PPP4R2: variants seen among roughly 807,000 people sequenced by gnomAD.
PPP4R2 encodes the protein protein phosphatase 4 regulatory subunit 2, also known as serine/threonine-protein phosphatase 4 regulatory subunit 2.
A neutral mutation model predicts 47.2 loss-of-function variants in PPP4R2; 13 were observed. The ratio of observed to expected loss-of-function variants is 0.28; its 90% CI spans 0.18 to 0.44. The LOEUF is 0.44. Ranked by LOEUF, PPP4R2 falls within the 20% of genes least tolerant of loss-of-function variation. PPP4R2 has a pLI of 1.00. For missense variants in PPP4R2, 421 were observed against 491.2 expected, an observed-to-expected ratio of 0.86 and a Z score of 1.35; for synonymous variants, 151 against 163.3, an observed-to-expected ratio of 0.92 and a Z score of 0.57.
rs1703053092 is a variant in PPP4R2 at position 73,068,836 on chromosome 3, G to C, written c.*3114G>C. The C allele has an allele frequency of 6.6e-6, 1 of 152,212 alleles. No homozygotes were observed. Among genetic ancestry groups the C allele is most frequent in the African/African-American group, 2.4e-5 (1 of 41,454 alleles). The allele number at this position is 152,212 out of a possible 1,614,324, so 9.4% of individuals were successfully genotyped here. On this transcript the variant is annotated 3_prime_UTR_variant, in exon 9 of 9. Coordinates refer to ENST00000356692, the MANE Select transcript of PPP4R2 (RefSeq NM_174907.4). ...TTATGAAAAAAATGTAACATGGTAA[G>C]GATGAAAATGCAACTTACAAAACCA...
chr3:73,009,984 A>C (rs943224004), intron 2 of PPP4R2, among the ~76,000 whole-genome samples: 1 of 152,220 alleles, frequency 6.6e-6, no homozygotes, highest in Admixed American at 6.5e-5. Context: ...ATCTACATGT[A>C]ACCACTTGCA....
chr3:73,037,029 C>T (rs1186453108), intron 2 of PPP4R2, among the ~76,000 whole-genome samples: 2 of 152,098 alleles, frequency 1.3e-5, no homozygotes, highest in African/African-American at 4.8e-5. Context: ...TTACATATGT[C>T]TTTCAGTCTC....
intron 2 of PPP4R2, among the ~76,000 whole-genome samples, chr3:73,032,460 T>C (rs1386735888): frequency 1.3e-5 from 2 of 152,062 alleles, no homozygotes; most frequent in African/African-American, 4.8e-5. Flanking sequence ...AGCTAATTTT[T>C]GTATTTTTAG....
intron 2 of PPP4R2, among the ~76,000 whole-genome samples, chr3:73,011,771 G>A (rs1159080728): frequency 6.8e-6 from 1 of 147,160 alleles, no homozygotes; most frequent in Non-Finnish European, 1.5e-5. Context: ...AGACTGATAC[G>A]TGTATTTTAA....
rs571135946 is a variant in PPP4R2 at position 73,058,515 on chromosome 3, T to A, written c.288-522T>A. On this transcript the variant is annotated intron_variant, in intron 3 of 8. Transcript: ENST00000356692. The stretch of plus-strand genomic sequence containing the variant: ...TGGGTGTTCTAAGTTGCTTTTTTTT[T>A]AAAAAAGAATTTCTGTTGGTAAATA... Among the ~76,000 whole-genome samples, 579 of 151,988 alleles carry A rather than the reference T, an allele frequency of 3.8e-3. 12 individuals carry two copies. Among genetic ancestry groups the A allele is most frequent in the Admixed American group, 0.032 (488 of 15,260 alleles).
chr3:73,021,844 CTATATGTGTGTGTG>C (rs1282958792), intron 2 of PPP4R2, among the ~76,000 whole-genome samples: 5 of 137,308 alleles, frequency 3.6e-5, no homozygotes, highest in African/African-American at 1.4e-4. Flanking sequence ...TATTACATTT[CTATATGTGTGTGTG>C]TGTGTGTGTG....
chr3:73,062,153 T>G (rs748000669), intron 5 of PPP4R2: 3 of 1,547,430 alleles, frequency 1.9e-6, no homozygotes, highest in Non-Finnish European at 2.6e-6. Flanking sequence ...GTGACAGATC[T>G]TACAAAAGAT....
chr3:73,062,001 ATATGT>A (rs1702869271), intron 5 of PPP4R2: 4 of 1,029,724 alleles, frequency 3.9e-6, no homozygotes, highest in Middle Eastern at 6.4e-4. Flanking sequence ...ATGAAGCAAA[ATATGT>A]TTTGTTTTGC....
intron 2 of PPP4R2, among the ~76,000 whole-genome samples, chr3:73,046,575 C>G (rs915863764): frequency 1.3e-5 from 2 of 152,046 alleles, no homozygotes; most frequent in African/African-American, 4.8e-5. Context: ...GTGAAAAGTA[C>G]CTAAGCAAAT....
At chr3:73,056,302 G>A (rs1411480056) in intron 3 of PPP4R2, among the ~76,000 whole-genome samples, 3 of 150,442 alleles carry the variant, frequency 2.0e-5, no homozygotes, top group Non-Finnish European at 2.9e-5. Context: ...TTTATACAGT[G>A]TTGTTATTTA....
intron 2 of PPP4R2, among the ~76,000 whole-genome samples, chr3:73,005,355 C>G (rs1156562472): frequency 1.4e-5 from 2 of 140,936 alleles, no homozygotes; most frequent in African/African-American, 5.3e-5. Flanking sequence ...TTTTTTTTAT[C>G]CACTTATCTA....
intron 2 of PPP4R2, among the ~76,000 whole-genome samples, chr3:73,018,126 C>T (rs1423374685): frequency 6.6e-6 from 1 of 152,022 alleles, no homozygotes; most frequent in Admixed American, 6.6e-5. Context: ...TAATATATTT[C>T]TTATATTTTT....
rs532202631 is a variant in PPP4R2 at position 73,020,985 on chromosome 3, G to A, written c.116+22827G>A. 2.6e-5 allele frequency among the ~76,000 whole-genome samples: 4 copies of A among 152,240 alleles called. No homozygotes were observed. In the South Asian group the frequency reaches 8.3e-4, roughly 32 times the overall value. On this transcript the variant is annotated intron_variant, in intron 2 of 8. Coordinates refer to ENST00000356692, the MANE Select transcript of PPP4R2 (RefSeq NM_174907.4). The stretch of plus-strand genomic sequence containing the variant: ...GGTGGGTTTCAACACATGAATTTTA[G>A]TGGTGTGGGGCAGGCGGGTAAGGGC...
intron 2 of PPP4R2, among the ~76,000 whole-genome samples, chr3:73,000,025 GAA>G (rs1179293801): frequency 2.0e-5 from 3 of 151,964 alleles, no homozygotes; most frequent in African/African-American, 7.2e-5. Context: ...ACGAGAGAAT[GAA>G]AATGAAAATT....
At chr3:73,012,902 C>CTTT (rs202207828) in intron 2 of PPP4R2, among the ~76,000 whole-genome samples, 3 of 120,502 alleles carry the variant, frequency 2.5e-5, no homozygotes, top group African/African-American at 5.7e-5. Context: ...AGAATGTAGG[C>CTTT]TTTTTTTTTT....
chr3:73,000,584 G>C (rs1489244703), intron 2 of PPP4R2, among the ~76,000 whole-genome samples: 1 of 152,108 alleles, frequency 6.6e-6, no homozygotes, highest in Non-Finnish European at 1.5e-5. Flanking sequence ...GGAAAAATTT[G>C]AACATTTTTA....
chr3:73,058,986 G>A (rs368832414), intron 3 of PPP4R2, 51 bp from the exon 4 acceptor site: 43 of 1,109,470 alleles, frequency 3.9e-5, no homozygotes, highest in South Asian at 6.8e-5. Context: ...AATGTTCCTC[G>A]TTTTCTTGAT....
At chr3:73,020,442 G>T (rs893558198) in intron 2 of PPP4R2, among the ~76,000 whole-genome samples, 2 of 152,058 alleles carry the variant, frequency 1.3e-5, no homozygotes, top group Admixed American at 6.6e-5. Flanking sequence ...CAGGCGGATC[G>T]CTTGAGCCCA....
At chr3:73,042,747 A>G (rs1702404901) in intron 2 of PPP4R2, among the ~76,000 whole-genome samples, 1 of 152,176 alleles carries the variant, frequency 6.6e-6, no homozygotes, top group Non-Finnish European at 1.5e-5. Context: ...TGTATCTTTC[A>G]CATTTTATGA....
Sources: allele counts gnomAD v4.1 joint callset (sites outside exome capture counted in the v4.1 genomes callset), GRCh38; gene constraint gnomAD v4.1.1; transcripts MANE v1.5; gene names NCBI Gene and HGNC (gene_info 2026-07-23, HGNC 2026-07-21).